Variants in MSRB3 observed in about 807,000 individuals in gnomAD.
MSRB3 encodes methionine sulfoxide reductase B3.
In MSRB3, 13 loss-of-function variants were observed where a neutral mutation model predicts 21.0. That is an observed-to-expected ratio of 0.62 (90% CI 0.40 to 0.98). MSRB3 has a LOEUF of 0.98. Ranked by LOEUF, MSRB3 falls within the 50% of genes least tolerant of loss-of-function variation. MSRB3 has a pLI of 0.00. For synonymous variants in MSRB3, 87 were observed against 88.6 expected (o/e 0.98, Z 0.10); for missense variants, 199 against 230.3 (o/e 0.86, Z 0.88).
At chr12:65,463,130 C>T (rs764289782) in intron 6 of MSRB3, 25 bp from the exon 7 acceptor site, 2 of 1,613,580 alleles carry the variant, frequency 1.2e-6, no homozygotes, top group Non-Finnish European at 1.7e-6. Flanking sequence ...ATGCTTTTCC[C>T]TGACGTTTTG....
chr12:65,381,900 C>T (rs1231581479), intron 5 of MSRB3, among the ~76,000 whole-genome samples: 1 of 151,706 alleles, frequency 6.6e-6, no homozygotes, highest in African/African-American at 2.4e-5. Flanking sequence ...TATACTTGTA[C>T]TTTTGTTTTT....
At chr12:65,315,769 T>C (rs770860156) in intron 2 of MSRB3, among the ~76,000 whole-genome samples, 17 of 152,128 alleles carry the variant, frequency 1.1e-4, no homozygotes, top group South Asian at 4.1e-4. Context: ...TAAATTTATG[T>C]ATTAACTTTT....
At chr12:65,408,177 CT>C (rs973415980) in intron 5 of MSRB3, among the ~76,000 whole-genome samples, 45 of 152,074 alleles carry the variant, frequency 3.0e-4, no homozygotes, top group African/African-American at 1.1e-3. Flanking sequence ...TCACTGCAAC[CT>C]CCACCTCCCC....
At chr12:65,344,067 A>G (rs1876324185) in intron 4 of MSRB3, 1 of 152,112 alleles carries the variant, frequency 6.6e-6, no homozygotes, top group African/African-American at 2.4e-5. Flanking sequence ...TTTTGAGAGG[A>G]TTAAGTAAAT....
chr12:65,376,855 G>A (rs1414047952), intron 5 of MSRB3, among the ~76,000 whole-genome samples: 1 of 152,110 alleles, frequency 6.6e-6, no homozygotes, highest in African/African-American at 2.4e-5. Flanking sequence ...AATGAAGGCT[G>A]CTGCAAAGAG....
In MSRB3 at chr12:65,316,774, G is replaced by A. The variant is rs542033288; in HGVS notation, c.76+8119G>A. ...ATTCTATATGAACACTTTCTCTTTT[G>A]TTTTACCATTGAGGCAGGGAGTAGA... On this transcript the variant is annotated intron_variant, in intron 2 of 6. Coordinates refer to ENST00000308259, the MANE Select transcript of MSRB3 (RefSeq NM_001031679.3). 4.6e-5 allele frequency among the ~76,000 whole-genome samples: 7 copies of A among 152,208 alleles called. No homozygotes were observed. In the South Asian group the frequency reaches 1.0e-3, roughly 23 times the overall value.
rs142168683 is a variant in MSRB3 at position 65,419,762 on chromosome 12, G to A, written c.293-33966G>A. 2,003 of 1,049,618 alleles carry A rather than the reference G, an allele frequency of 1.9e-3. 30 individuals carry two copies. The African/African-American group carries it at 0.028, about 15-fold the overall frequency. The allele number at this position is 1,049,618 out of a possible 1,614,324, so 65.0% of individuals were successfully genotyped here. A position where few individuals can be genotyped will look rare whatever the true frequency, so the allele number is the denominator to read the frequency against. On this transcript the variant is annotated intron_variant, in intron 5 of 6. Transcript: ENST00000308259. The stretch of plus-strand genomic sequence containing the variant: ...AGGTAGTAGGCCAGGCGGTCTTCAG[G>A]CTTTGCATGGTCTCCTTCTCATTCT...
chr12:65,307,459 T>G (rs1002657582), intron 1 of MSRB3, among the ~76,000 whole-genome samples: 2 of 152,134 alleles, frequency 1.3e-5, no homozygotes, highest in Admixed American at 1.3e-4. Context: ...AGACTTTTTT[T>G]GGGGCGGGAA....
At chr12:65,410,459 G>A (rs1401075216) in intron 5 of MSRB3, among the ~76,000 whole-genome samples, 1 of 152,008 alleles carries the variant, frequency 6.6e-6, no homozygotes, top group Non-Finnish European at 1.5e-5. Context: ...CTGGACAACA[G>A]AGTGAAACCC....
intron 1 of MSRB3, among the ~76,000 whole-genome samples, chr12:65,289,663 A>G (rs1163518972): frequency 1.3e-5 from 2 of 152,116 alleles, no homozygotes; most frequent in African/African-American, 2.4e-5. Context: ...CACCCAGGTA[A>G]TCAGTATGGT....
At chr12:65,402,982 A>T (rs1336904502) in intron 5 of MSRB3, among the ~76,000 whole-genome samples, 2 of 152,186 alleles carry the variant, frequency 1.3e-5, no homozygotes, top group Non-Finnish European at 2.9e-5. Context: ...TGGAAGCTTC[A>T]TCCCAGAGGG....
At chr12:65,462,947 C>G (rs777620223) in intron 6 of MSRB3, among the ~76,000 whole-genome samples, 29 of 152,164 alleles carry the variant, frequency 1.9e-4, no homozygotes, top group Non-Finnish European at 4.0e-4. Flanking sequence ...CTGATATGCA[C>G]AATTCTAGTG....
chr12:65,401,123 G>C (rs1340297648), intron 5 of MSRB3, among the ~76,000 whole-genome samples: 1 of 152,186 alleles, frequency 6.6e-6, no homozygotes, highest in Non-Finnish European at 1.5e-5. Context: ...ATGTCTATTA[G>C]GTCCACTTGG....
intron 5 of MSRB3, among the ~76,000 whole-genome samples, chr12:65,431,185 A>C (rs1881859983): frequency 6.6e-6 from 1 of 151,948 alleles, no homozygotes; most frequent in Non-Finnish European, 1.5e-5. Flanking sequence ...TTACTTCCTA[A>C]ATGACTGTAT....
chr12:65,416,185 G>T (rs1880962497), intron 5 of MSRB3, among the ~76,000 whole-genome samples: 1 of 152,170 alleles, frequency 6.6e-6, no homozygotes, highest in African/African-American at 2.4e-5. Context: ...CTTTGCCTTT[G>T]TTTTTTCCCA....
At chr12:65,425,806 A>G (rs1881571613) in intron 5 of MSRB3, among the ~76,000 whole-genome samples, 1 of 152,192 alleles carries the variant, frequency 6.6e-6, no homozygotes, top group African/African-American at 2.4e-5. Flanking sequence ...TTATAAAAGT[A>G]TCCTGAATTT....
chr12:65,419,327 C>T lies in MSRB3; in HGVS notation c.293-34401C>T, dbSNP rs940960481. The T allele has an allele frequency of 1.1e-5, 8 of 757,356 alleles. No individual in the cohort carries two copies. The African/African-American group carries it at 1.4e-4, about 13-fold the overall frequency. 46.9% of individuals were successfully genotyped at this position (757,356 alleles called of 1,614,324 possible). The stretch of plus-strand genomic sequence containing the variant: ...GGGGCATCTACCTCCAAGATCAAAC[C>T]AGAGCTGACAATCTGGGCTTGTAGG... On this transcript the variant is annotated intron_variant, in intron 5 of 6. Transcript: ENST00000308259.
At chr12:65,282,695 T>C (rs1212373850) in intron 1 of MSRB3, among the ~76,000 whole-genome samples, 1 of 142,210 alleles carries the variant, frequency 7.0e-6, no homozygotes, top group East Asian at 2.1e-4. Context: ...TTTTTTTTTC[T>C]CTTCATGGTT....
intron 5 of MSRB3, among the ~76,000 whole-genome samples, chr12:65,421,930 A>G (rs549319950): frequency 1.2e-3 from 182 of 152,298 alleles, no homozygotes; most frequent in African/African-American, 4.3e-3. Flanking sequence ...AAAGGCACAG[A>G]ATGGCAAGCT....
Sources: gnomAD v4.1 joint callset for allele counts (sites outside exome capture counted in the v4.1 genomes callset) on GRCh38, gnomAD v4.1.1 for gene constraint, MANE v1.5 for transcripts, NCBI Gene and HGNC (gene_info 2026-07-23, HGNC 2026-07-21) for gene names.